TMEM248: variants seen among roughly 807,000 people sequenced by gnomAD.
TMEM248 encodes transmembrane protein 248, also known as UPF0458 protein C7orf42.
In TMEM248, 9 loss-of-function variants were observed where a neutral mutation model predicts 30.3. That is an observed-to-expected ratio of 0.30 (90% CI 0.18 to 0.52). The LOEUF (loss-of-function observed/expected upper bound fraction) is 0.52, where lower values mean the gene tolerates loss of function less well. Among genes scored for constraint, TMEM248 ranks in the 20% least tolerant of loss-of-function variants. The pLI, the probability that TMEM248 is intolerant of heterozygous loss-of-function variation, is 0.97. For synonymous variants in TMEM248, 184 were observed against 154.4 expected, an observed-to-expected ratio of 1.19 and a Z score of -1.42; for missense variants, 338 against 403.3, an observed-to-expected ratio of 0.84 and a Z score of 1.39.
chr7:66,935,438 C>T (rs1791776217), intron 1 of TMEM248, among the ~76,000 whole-genome samples: 2 of 152,222 alleles, frequency 1.3e-5, no homozygotes, highest in African/African-American at 4.8e-5. Context: ...CCACCTTGGC[C>T]TCCCAAAGTG....
In TMEM248 at chr7:66,948,706, C is replaced by T. The variant is rs1171659640; in HGVS notation, c.596+12C>T. 15 of 1,593,238 alleles carry T rather than the reference C, an allele frequency of 9.4e-6. No homozygotes were observed. Among genetic ancestry groups the T allele is most frequent in the Middle Eastern group, 3.5e-4 (2 of 5,746 alleles). On this transcript the variant is annotated intron_variant, in intron 4 of 6. Transcript: ENST00000341567. ...TTCCCCGTCACTGTGTAAGTGTACCCGGCACCTGATGAACGTGCGTAACAA... is the reference window on the plus strand; with the variant it reads ...TTCCCCGTCACTGTGTAAGTGTACCTGGCACCTGATGAACGTGCGTAACAA...
At chr7:66,947,410 G>T (rs2129225040) in intron 3 of TMEM248, among the ~76,000 whole-genome samples, 1 of 151,866 alleles carries the variant, frequency 6.6e-6, no homozygotes, top group Non-Finnish European at 1.5e-5. Flanking sequence ...GGGATTTTTT[G>T]TTGTTATTTT....
chr7:66,923,695 C>T (rs971519725), intron 1 of TMEM248, among the ~76,000 whole-genome samples: 13 of 151,804 alleles, frequency 8.6e-5, no homozygotes, highest in African/African-American at 3.1e-4. Context: ...TTTTTGTTTT[C>T]TTTGAGATGG....
At chr7:66,944,796 A>G (rs1792048773) in intron 2 of TMEM248, among the ~76,000 whole-genome samples, 180 bp from the exon 3 acceptor site, 1 of 152,158 alleles carries the variant, frequency 6.6e-6, no homozygotes, top group African/African-American at 2.4e-5. Context: ...GTGATTAGGA[A>G]AGCCACATCA....
At chr7:66,949,542 C>A (rs900582617) in intron 4 of TMEM248, among the ~76,000 whole-genome samples, 1 of 152,052 alleles carries the variant, frequency 6.6e-6, no homozygotes, top group African/African-American at 2.4e-5. Flanking sequence ...ATTTTAAAAT[C>A]GTTGATTTTA....
chr7:66,955,680 T>C lies in TMEM248; in HGVS notation c.*158T>C. The stretch of plus-strand genomic sequence containing the variant: ...AGTGCCTGTAACTGATTTGTACATA[T>C]TTATAAAAATCTATTCAGAAATTGG... On this transcript the variant is annotated 3_prime_UTR_variant, in exon 7 of 7. Coordinates refer to ENST00000341567, the MANE Select transcript of TMEM248 (RefSeq NM_017994.5). The C allele has an allele frequency of 1.1e-6, 1 of 920,024 alleles. No homozygotes were observed. The allele number at this position is 920,024 out of a possible 1,614,324, so 57.0% of individuals were successfully genotyped here. A position where few individuals can be genotyped will look rare whatever the true frequency, so the allele number is the denominator to read the frequency against.
chr7:66,928,377 A>G (rs1791577782), intron 1 of TMEM248, among the ~76,000 whole-genome samples: 2 of 152,014 alleles, frequency 1.3e-5, no homozygotes, highest in South Asian at 2.1e-4. Context: ...TGTCTTATCA[A>G]CCTTGGCATT....
At chr7:66,922,259 G>A (rs779891641) in intron 1 of TMEM248, 1 of 152,198 alleles carries the variant, frequency 6.6e-6, no homozygotes, top group Non-Finnish European at 1.5e-5. Flanking sequence ...GAGCCGCTAC[G>A]GGAGGGAATG....
chr7:66,948,242 A>G (rs1584413583), intron 3 of TMEM248, among the ~76,000 whole-genome samples: 1 of 152,252 alleles, frequency 6.6e-6, no homozygotes, highest in Non-Finnish European at 1.5e-5. Flanking sequence ...ACAGCTGTGC[A>G]GAAATGCTGG....
intron 1 of TMEM248, among the ~76,000 whole-genome samples, chr7:66,923,586 A>G (rs1479115587): frequency 1.3e-5 from 2 of 152,236 alleles, no homozygotes; most frequent in East Asian, 3.8e-4. Context: ...GTGCCTAGAA[A>G]TATTGGCAGA....
chr7:66,924,507 C>A (rs1018459299), intron 1 of TMEM248, among the ~76,000 whole-genome samples: 1 of 152,088 alleles, frequency 6.6e-6, no homozygotes, highest in African/African-American at 2.4e-5. Flanking sequence ...CGGGTTCAAG[C>A]GATTCTCCTG....
At chr7:66,947,557 C>T (rs930461791) in intron 3 of TMEM248, among the ~76,000 whole-genome samples, 1 of 152,060 alleles carries the variant, frequency 6.6e-6, no homozygotes, top group African/African-American at 2.4e-5. Flanking sequence ...TTCGTGACAC[C>T]ATGCCCAGCT....
intron 2 of TMEM248, among the ~76,000 whole-genome samples, chr7:66,943,407 G>A (rs1007169236): frequency 6.6e-6 from 1 of 152,170 alleles, no homozygotes; most frequent in Non-Finnish European, 1.5e-5. Flanking sequence ...CTGTAGGAAC[G>A]CATTGTTGAG....
At chr7:66,940,406 C>T (rs1791917041) in intron 1 of TMEM248, among the ~76,000 whole-genome samples, 1 of 152,192 alleles carries the variant, frequency 6.6e-6, no homozygotes, top group African/African-American at 2.4e-5. Flanking sequence ...AACGTTAACA[C>T]TGAAAACAGA....
intron 2 of TMEM248, among the ~76,000 whole-genome samples, chr7:66,943,266 G>A (rs948760042): frequency 3.3e-5 from 5 of 152,142 alleles, no homozygotes; most frequent in South Asian, 2.1e-4. Flanking sequence ...TTTCTTTCCC[G>A]CAGAGCTTGA....
rs1562947236 is a variant in TMEM248, at chr7:66,956,352, C to A, written c.*830C>A. On this transcript the variant is annotated 3_prime_UTR_variant, in exon 7 of 7. Coordinates refer to ENST00000341567, the MANE Select transcript of TMEM248 (RefSeq NM_017994.5). ...TGTTATCAAAGTTAAAGCGCCTCTT[C>A]ACTCAAAAGGGCTTCAAAATGTAAA... 1 of 152,192 alleles carries A rather than the reference C, an allele frequency of 6.6e-6. No individual in the cohort carries two copies. The highest frequency in any genetic ancestry group is 1.5e-5 in the Non-Finnish European group (1 of 68,038). 9.4% of individuals were successfully genotyped at this position (152,192 alleles called of 1,614,324 possible).
intron 1 of TMEM248, among the ~76,000 whole-genome samples, chr7:66,923,302 C>T (rs1485801213): frequency 1.3e-5 from 2 of 151,956 alleles, no homozygotes; most frequent in African/African-American, 2.4e-5. Flanking sequence ...CCTGCCACCA[C>T]GCCTGGCTAA....
intron 1 of TMEM248, among the ~76,000 whole-genome samples, chr7:66,934,534 C>G (rs1274514667): frequency 2.6e-5 from 4 of 152,172 alleles, no homozygotes; most frequent in African/African-American, 9.7e-5. Flanking sequence ...TATAATTGTC[C>G]TGTGCTGGAA....
intron 4 of TMEM248, among the ~76,000 whole-genome samples, chr7:66,949,307 T>G (rs1031304693): frequency 1.3e-5 from 2 of 152,040 alleles, no homozygotes; most frequent in Non-Finnish European, 2.9e-5. Flanking sequence ...GCCAACATAG[T>G]GAAACCCCAT....
Sources: gnomAD v4.1 joint callset for allele counts (sites outside exome capture counted in the v4.1 genomes callset) on GRCh38, gnomAD v4.1.1 for gene constraint, MANE v1.5 for transcripts, NCBI Gene and HGNC (gene_info 2026-07-23, HGNC 2026-07-21) for gene names.